Variants in DENND1A observed in about 807,000 individuals in gnomAD.
DENND1A encodes the protein DENN domain-containing protein 1A.
In DENND1A, 51 loss-of-function variants were observed where a neutral mutation model predicts 113.7. The observed-to-expected ratio is 0.45, with a 90% CI of 0.36 to 0.57. The LOEUF (loss-of-function observed/expected upper bound fraction) is 0.57, where lower values mean the gene tolerates loss of function less well. DENND1A is among the 20% of genes least tolerant of loss of function. The pLI is 0.00. For synonymous variants in DENND1A, 565 were observed against 570.8 expected (o/e 0.99, Z 0.14); for missense variants, 1,258 against 1,395.9 (o/e 0.90, Z 1.57).
At chr9:123,624,514 C>A (rs2061109130) in intron 10 of DENND1A, among the ~76,000 whole-genome samples, 2 of 152,218 alleles carry the variant, frequency 1.3e-5, no homozygotes, top group Non-Finnish European at 1.5e-5. Context: ...CCCCACCGGC[C>A]TGTAATCATC....
chr9:123,409,266 T>G (rs1168883225), intron 20 of DENND1A, among the ~76,000 whole-genome samples: 1 of 152,096 alleles, frequency 6.6e-6, no homozygotes, highest in Non-Finnish European at 1.5e-5. Flanking sequence ...CAGCTGCTAC[T>G]GATTCATTTT....
chr9:123,755,121 ATTTT>A (rs59565749), intron 5 of DENND1A, among the ~76,000 whole-genome samples: 4 of 132,814 alleles, frequency 3.0e-5, no homozygotes, highest in African/African-American at 8.7e-5. Context: ...TTATACACAG[ATTTT>A]TTTTTTTTTT....
chr9:123,667,113 C>T, intron 7 of DENND1A, 34 bp from the exon 8 acceptor site: 1 of 1,569,752 alleles, frequency 6.4e-7, no homozygotes, highest in Non-Finnish European at 8.6e-7. Context: ...TTTATTTCTG[C>T]TAAAATGTGT....
At chr9:123,660,096 C>G (rs1329395380) in intron 8 of DENND1A, among the ~76,000 whole-genome samples, 1 of 152,170 alleles carries the variant, frequency 6.6e-6, no homozygotes, top group Non-Finnish European at 1.5e-5. Context: ...CAAAAGCTTA[C>G]AAACCTGGGT....
intron 1 of DENND1A, among the ~76,000 whole-genome samples, chr9:123,897,981 T>G (rs1158011089): frequency 1.3e-5 from 2 of 151,688 alleles, no homozygotes; most frequent in African/African-American, 4.8e-5. Context: ...GGTCCTCTTC[T>G]TCTACATACA....
intron 19 of DENND1A, among the ~76,000 whole-genome samples, chr9:123,417,885 T>TGGG (rs113918463): frequency 7.5e-6 from 1 of 133,864 alleles, no homozygotes; most frequent in African/African-American, 2.7e-5. Context: ...TGCCATAGAT[T>TGGG]GGGGGGGGGG....
At chr9:123,755,312 T>TC (rs940625020) in intron 5 of DENND1A, among the ~76,000 whole-genome samples, 1 of 151,458 alleles carries the variant, frequency 6.6e-6, no homozygotes, top group African/African-American at 2.4e-5. Flanking sequence ...TTTCTTTCTT[T>TC]TTTTTTTTTT....
intron 3 of DENND1A, among the ~76,000 whole-genome samples, chr9:123,788,136 G>A (rs1832472670): frequency 6.6e-6 from 1 of 152,240 alleles, no homozygotes; most frequent in East Asian, 1.9e-4. Flanking sequence ...AACAGGCTAT[G>A]AAAGTACAAT....
In DENND1A at chr9:123,589,089, C is replaced by G. The variant is rs562264940; in HGVS notation, c.766-5819G>C. 4.6e-5 allele frequency among the ~76,000 whole-genome samples: 7 copies of G among 152,204 alleles called. No individual in the cohort carries two copies. In the South Asian group the frequency reaches 1.5e-3, roughly 32 times the overall value. On this transcript the variant is annotated intron_variant, in intron 11 of 23. Coordinates refer to ENST00000394215, the MANE Select transcript of DENND1A (RefSeq NM_001352964.2). ...CCAGTTGAAATAATTCTTAACACTT[C>G]TGATTTTCTCACTGATTCTGATATA...
chr9:123,579,707 G>A (rs1419941348), intron 12 of DENND1A, among the ~76,000 whole-genome samples: 1 of 152,194 alleles, frequency 6.6e-6, no homozygotes, highest in Non-Finnish European at 1.5e-5. Flanking sequence ...GGTCAACGAT[G>A]GATAGGCTGA....
chr9:123,738,229 TGA>T (rs2068715984), intron 5 of DENND1A, among the ~76,000 whole-genome samples: 1 of 152,248 alleles, frequency 6.6e-6, no homozygotes, highest in African/African-American at 2.4e-5. Context: ...ATACAGCTTA[TGA>T]CTCTAAACAA....
At chr9:123,821,828 C>A (rs1249071998) in intron 2 of DENND1A, among the ~76,000 whole-genome samples, 1 of 152,200 alleles carries the variant, frequency 6.6e-6, no homozygotes, top group Non-Finnish European at 1.5e-5. Context: ...AATAATGCAG[C>A]AGCAACCACC....
intron 3 of DENND1A, among the ~76,000 whole-genome samples, chr9:123,773,001 A>G (rs1829962048): frequency 6.6e-6 from 1 of 152,240 alleles, no homozygotes; most frequent in African/African-American, 2.4e-5. Context: ...AAAGTTTTCA[A>G]AATAAATGAG....
intron 5 of DENND1A, among the ~76,000 whole-genome samples, chr9:123,730,719 C>T (rs2068099070): frequency 6.6e-6 from 1 of 152,104 alleles, no homozygotes; most frequent in Non-Finnish European, 1.5e-5. Flanking sequence ...GGATCTAGAA[C>T]CAGAAATACC....
At chr9:123,543,700 A>G (rs981748139) in intron 13 of DENND1A, among the ~76,000 whole-genome samples, 4 of 152,076 alleles carry the variant, frequency 2.6e-5, no homozygotes, top group Non-Finnish European at 5.9e-5. Flanking sequence ...GGGAGCTCCT[A>G]TTCCTCCGGT....
chr9:123,626,941 C>A (rs2061248244), intron 10 of DENND1A, among the ~76,000 whole-genome samples: 2 of 152,194 alleles, frequency 1.3e-5, no homozygotes, highest in Non-Finnish European at 2.9e-5. Flanking sequence ...TCAGGAATGG[C>A]AGGAGAGGAA....
At chr9:123,726,810 A>G (rs2067741908) in intron 5 of DENND1A, among the ~76,000 whole-genome samples, 1 of 152,254 alleles carries the variant, frequency 6.6e-6, no homozygotes, top group Non-Finnish European at 1.5e-5. Context: ...GGAAACCCAC[A>G]TAAACATTTT....
At chr9:123,444,265 G>A (rs1397784345) in intron 18 of DENND1A, among the ~76,000 whole-genome samples, 1 of 152,170 alleles carries the variant, frequency 6.6e-6, no homozygotes, top group African/African-American at 2.4e-5. Flanking sequence ...TCTTACCTAT[G>A]TGGATATTTG....
chr9:123,466,010 A>AT (rs149353078), intron 13 of DENND1A, among the ~76,000 whole-genome samples: 10,862 of 151,924 alleles, frequency 0.071, 495 homozygotes, highest in Admixed American at 0.096. Context: ...TTCTTTTTTA[A>AT]TTTTTTTAGA....
Sources: gnomAD v4.1 joint callset for allele counts (sites outside exome capture counted in the v4.1 genomes callset) on GRCh38, gnomAD v4.1.1 for gene constraint, MANE v1.5 for transcripts, NCBI Gene and HGNC (gene_info 2026-07-23, HGNC 2026-07-21) for gene names.